The following LRRC75A variants were observed in gnomAD, a reference collection of about 807,000 sequenced individuals.
The protein encoded by LRRC75A is leucine-rich repeat-containing protein 75A.
LRRC75A carries 12 observed loss-of-function variants against 26.0 expected under a neutral mutation model. The ratio of observed to expected loss-of-function variants is 0.46; its 90% CI spans 0.30 to 0.75. The LOEUF (loss-of-function observed/expected upper bound fraction) is 0.75. Among genes scored for constraint, LRRC75A ranks in the 30% least tolerant of loss-of-function variants. The pLI, the probability that LRRC75A is intolerant of heterozygous loss-of-function variation, is 0.08. For missense variants in LRRC75A, 410 were observed against 486.6 expected (o/e 0.84, Z 1.48); for synonymous variants, 223 against 219.3 (o/e 1.02, Z -0.15).
chr17:16,483,653 G>A (rs1004336799), intron 1 of LRRC75A, among the ~76,000 whole-genome samples: 1 of 152,224 alleles, frequency 6.6e-6, no homozygotes, highest in Admixed American at 6.5e-5. Context: ...GGGAAACTGA[G>A]GCCAAAGAAG....
intron 3 of LRRC75A, among the ~76,000 whole-genome samples, chr17:16,444,812 T>C (rs1167887952): frequency 2.0e-5 from 3 of 148,946 alleles, no homozygotes; most frequent in Admixed American, 2.0e-4. Context: ...GTTTGCTGGC[T>C]CCAAGGCCCA....
chr17:16,452,250 G>A (rs1008602886), intron 2 of LRRC75A, among the ~76,000 whole-genome samples: 30 of 149,828 alleles, frequency 2.0e-4, no homozygotes, highest in African/African-American at 3.9e-4. Context: ...CCAGCTACCC[G>A]GGAGGCTGAG....
chr17:16,453,409 G>C (rs1352813933), intron 2 of LRRC75A, among the ~76,000 whole-genome samples: 1 of 152,130 alleles, frequency 6.6e-6, no homozygotes, highest in Non-Finnish European at 1.5e-5. Context: ...ATTGCCACAA[G>C]GGGGCAGCCA....
chr17:16,461,869 C>A (rs750929004), intron 2 of LRRC75A, among the ~76,000 whole-genome samples: 1 of 151,294 alleles, frequency 6.6e-6, no homozygotes, highest in South Asian at 2.1e-4. Context: ...CCCCTCTGTA[C>A]GCATGCTTTC....
Position 16,491,786 on chromosome 17 carries a change from G to C in LRRC75A, c.205C>G (p.Arg69Gly). 2 of 1,428,606 alleles carry C rather than the reference G, an allele frequency of 1.4e-6. No homozygotes were observed. Among genetic ancestry groups the C allele is most frequent in the South Asian group, 1.4e-5 (1 of 74,010 alleles). 88.5% of individuals were successfully genotyped at this position (1,428,606 alleles called of 1,614,324 possible). ...QELLRMVRQG[R>G]REEAGTLLQH... is the part of the protein sequence containing the mutation. ...AGCAGCGTCCCCGCCTCCTCCCGCC[G>C]GCCCTGGCGCACCATCCGCAGCAGC... Residue 69 changes from arginine (R) to glycine (G), a missense_variant, in exon 1 of 4, where the codon CGG (arginine) becomes GGG (glycine). Physicochemically the swap from Arg to Gly is moderately radical, Grantham distance 125. Transcript: ENST00000470794. This position sits in a 1 kb window ranked among gnomAD's most constrained non-coding sequence, Gnocchi z 5.9.
At chr17:16,465,766 C>T (rs7220262) in intron 1 of LRRC75A, among the ~76,000 whole-genome samples, 10 of 152,336 alleles carry the variant, frequency 6.6e-5, no homozygotes, top group Middle Eastern at 3.4e-3. Context: ...CCGCGCCATC[C>T]CCCTGGTTGC....
At chr17:16,490,884 T>G (rs1407609104) in intron 1 of LRRC75A, among the ~76,000 whole-genome samples, 2 of 152,198 alleles carry the variant, frequency 1.3e-5, no homozygotes, top group Non-Finnish European at 2.9e-5. Flanking sequence ...CTCCCCTGCC[T>G]GTCTTATACT....
At position 16,447,873 on chromosome 17, in the gene LRRC75A, C is replaced by G. The variant is rs568769683; in HGVS notation, c.463G>C (p.Gly155Arg). 7.1e-4 allele frequency: 1,094 copies of G among 1,549,352 alleles called. 10 individuals are homozygous for G. Among genetic ancestry groups the G allele is most frequent in the Non-Finnish European group, 8.1e-5 (93 of 1,146,406 alleles). ...GCCTGTGGCTTCCTTTTCACCAGCC[C>G]CCGGTGCCGCCTCCACTGGGAGTGG... The part of the protein sequence containing the change: ...SPHSQWRRHR[G>R]LVKRKPQACL... The change falls in exon 3 of 4, where the codon GGG becomes CGG. Residue 155 changes from glycine (G) to arginine (R), a missense_variant. Physicochemically the swap from Gly to Arg is moderately radical, Grantham distance 125. Coordinates refer to ENST00000470794, the MANE Select transcript of LRRC75A (RefSeq NM_001113567.3).
intron 1 of LRRC75A, among the ~76,000 whole-genome samples, chr17:16,486,160 A>G (rs1172189689): frequency 6.6e-6 from 1 of 152,158 alleles, no homozygotes; most frequent in African/African-American, 2.4e-5. Flanking sequence ...AAAAGCACGC[A>G]TGGCAATGAA....
Position 16,443,258 on chromosome 17 carries a change from G to A in LRRC75A, c.*330C>T, listed in dbSNP as rs2093549475. On this transcript the variant is annotated 3_prime_UTR_variant, in exon 4 of 4. Coordinates refer to ENST00000470794, the MANE Select transcript of LRRC75A (RefSeq NM_001113567.3). ...GGGAAAGCTCTTGGTGTTCACAATG[G>A]CTCAGGCTTACAGTACCTCCAGCCA... The A allele has an allele frequency of 3.2e-6, 1 of 315,716 alleles. No homozygotes were observed. Among genetic ancestry groups the A allele is most frequent in the Non-Finnish European group, 5.8e-6 (1 of 171,000 alleles). The allele number at this position is 315,716 out of a possible 1,614,324, so 19.6% of individuals were successfully genotyped here.
Position 16,443,486 on chromosome 17 carries a change from T to C in LRRC75A, c.*102A>G. The C allele has an allele frequency of 8.7e-7, 1 of 1,150,702 alleles. No individual in the cohort carries two copies. The highest frequency in any genetic ancestry group is 1.8e-5 in the South Asian group (1 of 56,940). The allele number at this position is 1,150,702 out of a possible 1,614,324, so 71.3% of individuals were successfully genotyped here. ...TAGGTGGGTGGCCCAGGCCAATTTT[T>C]GGCAATATCCTTAACCCACCTGATA... On this transcript the variant is annotated 3_prime_UTR_variant, in exon 4 of 4. Transcript: ENST00000470794.
chr17:16,471,668 T>C (rs940366777), intron 1 of LRRC75A, among the ~76,000 whole-genome samples: 2 of 152,192 alleles, frequency 1.3e-5, no homozygotes, highest in Non-Finnish European at 2.9e-5. Context: ...AAATGCTTCC[T>C]ATAGGATCCC....
rs1491052116 is a variant in LRRC75A at position 16,451,631 on chromosome 17, AAT to A, written c.376-3673_376-3672del. Reference sequence around the variant, plus strand: ...AGTGAGACTCCATCTCAAAAAAAAAAATAATAATAATAATAAATAAATAAAAC... The same window carrying A: ...AGTGAGACTCCATCTCAAAAAAAAAAAATAATAATAATAAATAAATAAAAC... On this transcript the variant is annotated intron_variant, in intron 2 of 3. Coordinates refer to ENST00000470794, the MANE Select transcript of LRRC75A (RefSeq NM_001113567.3). 3.5e-3 allele frequency among the ~76,000 whole-genome samples: 415 copies of A among 120,064 alleles called. 4 individuals are homozygous for A. Among genetic ancestry groups the A allele is most frequent in the Middle Eastern group, 0.013 (3 of 236 alleles). The allele number at this position is 120,064 out of a possible 152,430, so 78.8% of individuals were successfully genotyped here. A position where few individuals can be genotyped will look rare whatever the true frequency, so the allele number is the denominator to read the frequency against.
chr17:16,488,733 C>T (rs761290341), intron 1 of LRRC75A, among the ~76,000 whole-genome samples: 3 of 152,242 alleles, frequency 2.0e-5, no homozygotes, highest in Non-Finnish European at 4.4e-5. Context: ...AGGCAGCTGC[C>T]TGGCATCCTG....
intron 1 of LRRC75A, among the ~76,000 whole-genome samples, chr17:16,487,385 C>T (rs184538024): frequency 3.9e-5 from 6 of 152,310 alleles, no homozygotes; most frequent in Admixed American, 6.5e-5. Context: ...AACGACCTGT[C>T]CAGTCTCCAC....
Position 16,492,147 on chromosome 17 carries a change from T to A in LRRC75A, c.-157A>T. 2 of 475,974 alleles carry A rather than the reference T, an allele frequency of 4.2e-6. No individual in the cohort carries two copies. The highest frequency in any genetic ancestry group is 5.5e-6 in the Non-Finnish European group (2 of 366,910). The allele number at this position is 475,974 out of a possible 1,614,324, so 29.5% of individuals were successfully genotyped here. On this transcript the variant is annotated 5_prime_UTR_variant, in exon 1 of 4. Coordinates refer to ENST00000470794, the MANE Select transcript of LRRC75A (RefSeq NM_001113567.3). ...TCGCGGGGGCGGGCGGGCGGGCGGC[T>A]GTCGGCGCTCCCCGCGCTCCTCCCT... is the stretch of plus-strand genomic sequence containing the variant.
In LRRC75A at chr17:16,491,075, T is replaced by C. The variant is rs1258103598; in HGVS notation, c.246+670A>G. Among the ~76,000 whole-genome samples, 1 of 152,196 alleles carries C rather than the reference T, an allele frequency of 6.6e-6. No homozygotes were observed. The highest frequency in any genetic ancestry group is 2.4e-5 in the African/African-American group (1 of 41,440). On this transcript the variant is annotated intron_variant, in intron 1 of 3. Coordinates refer to ENST00000470794, the MANE Select transcript of LRRC75A (RefSeq NM_001113567.3). The surrounding 1 kb of genome is among the most constrained non-coding windows in gnomAD (Gnocchi z 5.9). ...GGACAGGCACAGGCTAAGGACAGAG[T>C]CCTGGCAGTCTCCTGAAGTTGCTGC...
In LRRC75A at chr17:16,442,055, C is replaced by T. The variant is rs191253610; in HGVS notation, c.*1533G>A. On this transcript the variant is annotated 3_prime_UTR_variant, in exon 4 of 4. Coordinates refer to ENST00000470794, the MANE Select transcript of LRRC75A (RefSeq NM_001113567.3). ...GTGTATTTGAAGAAAAAGTAAATTTCGCCTACTGTTGTCAGATATTAGCAG... is the reference window on the plus strand; with the variant it reads ...GTGTATTTGAAGAAAAAGTAAATTTTGCCTACTGTTGTCAGATATTAGCAG... 4 of 152,476 alleles carry T rather than the reference C, an allele frequency of 2.6e-5. No homozygotes were observed. Among genetic ancestry groups the T allele is most frequent in the African/African-American group, 4.8e-5 (2 of 41,544 alleles). The allele number at this position is 152,476 out of a possible 1,614,324, so 9.4% of individuals were successfully genotyped here.
chr17:16,459,510 C>T (rs765380966), intron 2 of LRRC75A, among the ~76,000 whole-genome samples: 1 of 152,168 alleles, frequency 6.6e-6, no homozygotes, highest in Non-Finnish European at 1.5e-5. Context: ...TAGAGCAGAG[C>T]TCGCAGGGTG....
Sources: gnomAD v4.1 joint callset for allele counts (sites outside exome capture counted in the v4.1 genomes callset) on GRCh38, gnomAD v4.1.1 for gene constraint, Gnocchi (gnomAD v3.1) non-coding constraint, MANE v1.5 for transcripts, NCBI Gene and HGNC (gene_info 2026-07-23, HGNC 2026-07-21) for gene names.